The following RAD51B variants were observed in gnomAD, a reference collection of about 807,000 sequenced individuals.
RAD51B encodes DNA repair protein RAD51 homolog 2.
A neutral mutation model predicts 42.2 loss-of-function variants in RAD51B; 38 were observed. The observed-to-expected ratio is 0.90, with a 90% CI of 0.70 to 1.18. The LOEUF is 1.18. Among genes scored for constraint, RAD51B ranks in the 50% most tolerant of loss-of-function variants. The pLI, the probability that RAD51B is intolerant of heterozygous loss-of-function variation, is 0.00. For missense variants in RAD51B, 373 were observed against 400.7 expected (o/e 0.93, Z 0.59); for synonymous variants, 154 against 145.2 (o/e 1.06, Z -0.43).
chr14:68,255,636 T>G (rs1421297912), intron 7 of RAD51B, among the ~76,000 whole-genome samples: 2 of 152,248 alleles, frequency 1.3e-5, no homozygotes, highest in East Asian at 3.8e-4. Context: ...TTTTCTCACC[T>G]AAAGTGGAAC....
intron 7 of RAD51B, among the ~76,000 whole-genome samples, chr14:67,976,248 C>T (rs911510920): frequency 2.6e-5 from 4 of 151,942 alleles, no homozygotes; most frequent in African/African-American, 9.7e-5. Context: ...TCCTGAGTAG[C>T]TGGGACCACA....
intron 2 of RAD51B, among the ~76,000 whole-genome samples, chr14:67,824,871 G>C (rs1454470954): frequency 1.3e-5 from 2 of 151,492 alleles, no homozygotes; most frequent in Non-Finnish European, 1.5e-5. Flanking sequence ...GAGGTCAGGA[G>C]TTCGAGACTA....
At chr14:68,097,092 G>A (rs932474912) in intron 7 of RAD51B, among the ~76,000 whole-genome samples, 24 of 151,930 alleles carry the variant, frequency 1.6e-4, no homozygotes, top group African/African-American at 5.8e-4. Flanking sequence ...CACATTTTCA[G>A]TTGTTTATTA....
At chr14:67,987,505 T>C (rs1282559936) in intron 7 of RAD51B, among the ~76,000 whole-genome samples, 1 of 152,236 alleles carries the variant, frequency 6.6e-6, no homozygotes, top group Non-Finnish European at 1.5e-5. Context: ...TTGAAGCCTG[T>C]TACTTATTTG....
At chr14:68,061,442 A>G (rs144134637) in intron 7 of RAD51B, among the ~76,000 whole-genome samples, 2 of 152,246 alleles carry the variant, frequency 1.3e-5, no homozygotes, top group African/African-American at 4.8e-5. Context: ...TGTCATTAGT[A>G]TTTTGAGGGG....
At chr14:68,287,222 T>G (rs573980841) in intron 7 of RAD51B, among the ~76,000 whole-genome samples, 2 of 152,330 alleles carry the variant, frequency 1.3e-5, no homozygotes, top group East Asian at 3.9e-4. Context: ...TTAATTTTTC[T>G]CCCTATTTTT....
chr14:68,380,129 C>T (rs561065978), intron 8 of RAD51B, among the ~76,000 whole-genome samples: 46 of 152,256 alleles, frequency 3.0e-4, no homozygotes, highest in Non-Finnish European at 6.2e-4. Context: ...TCAAAGCATC[C>T]GGGTTCTGGA....
chr14:68,015,242 A>T (rs939441082), intron 7 of RAD51B, among the ~76,000 whole-genome samples: 1 of 152,226 alleles, frequency 6.6e-6, no homozygotes, highest in Non-Finnish European at 1.5e-5. Flanking sequence ...CCTATTCATT[A>T]AATCATTCTT....
chr14:67,957,912 C>T (rs943627370), intron 7 of RAD51B, among the ~76,000 whole-genome samples: 1 of 152,124 alleles, frequency 6.6e-6, no homozygotes, highest in East Asian at 1.9e-4. Flanking sequence ...TTAAAACTTA[C>T]ATGAGAAGTC....
intron 7 of RAD51B, among the ~76,000 whole-genome samples, chr14:68,004,838 T>C (rs2075553420): frequency 6.6e-6 from 1 of 152,146 alleles, no homozygotes; most frequent in Admixed American, 6.5e-5. Flanking sequence ...GTTTTTGAAC[T>C]GTATACAGAT....
chr14:68,338,606 T>A (rs911254), intron 8 of RAD51B: 160,834 of 287,122 alleles, frequency 0.56, 49,254 homozygotes, highest in South Asian at 0.67. Flanking sequence ...GTAGGTTAAG[T>A]TTGGAGGCTA....
rs148324425 is a variant in RAD51B at position 68,125,907 on chromosome 14, A to G, written c.757-165977A>G. Among the ~76,000 whole-genome samples the G allele has an allele frequency of 4.0e-4, 61 of 152,298 alleles. 1 individual carries two copies. The East Asian group carries it at 0.01, about 26-fold the overall frequency. On this transcript the variant is annotated intron_variant, in intron 7 of 10. Transcript: ENST00000471583. The stretch of plus-strand genomic sequence containing the variant: ...TCATGGTGTCATTTAGAAAGCACCA[A>G]CGTCCCATAGGATCACATGAAAACA...
chr14:68,511,102 G>T (rs1329852277), intron 10 of RAD51B, among the ~76,000 whole-genome samples: 1 of 152,196 alleles, frequency 6.6e-6, no homozygotes, highest in Non-Finnish European at 1.5e-5. Context: ...GAGGCTGTGA[G>T]TAGAGTTGGG....
chr14:68,131,339 G>A (rs780134620), intron 7 of RAD51B, among the ~76,000 whole-genome samples: 2 of 152,212 alleles, frequency 1.3e-5, no homozygotes, highest in Non-Finnish European at 2.9e-5. Flanking sequence ...ATCTGCCTCA[G>A]TGTCATGTGC....
intron 7 of RAD51B, among the ~76,000 whole-genome samples, chr14:68,166,681 C>T (rs2078760982): frequency 1.3e-5 from 2 of 152,124 alleles, no homozygotes; most frequent in South Asian, 2.1e-4. Flanking sequence ...CACCAGTCTG[C>T]GGATTCCCAA....
intron 10 of RAD51B, among the ~76,000 whole-genome samples, chr14:68,648,292 A>G (rs1413894807): frequency 6.8e-6 from 1 of 147,388 alleles, no homozygotes; most frequent in African/African-American, 2.5e-5. Flanking sequence ...ATATCCCACT[A>G]ATACTTAGCT....
intron 4 of RAD51B, 95 bp downstream of exon 4, chr14:67,835,291 C>T (rs778994497): frequency 8.8e-5 from 79 of 893,944 alleles, no homozygotes; most frequent in Admixed American, 2.9e-4. Flanking sequence ...ATTTCTGGAA[C>T]GGTAATCTGA....
chr14:67,825,383 G>A, intron 2 of RAD51B, 81 bp from the exon 3 acceptor site: 2 of 865,824 alleles, frequency 2.3e-6, no homozygotes, highest in Non-Finnish European at 3.6e-6. Context: ...TACATAAGCA[G>A]TATCAATTGA....
At chr14:68,382,457 G>A (rs1202971757) in intron 8 of RAD51B, among the ~76,000 whole-genome samples, 1 of 151,934 alleles carries the variant, frequency 6.6e-6, no homozygotes, top group Non-Finnish European at 1.5e-5. Context: ...TAAAAGTTAG[G>A]GTTCTACTCC....
Sources: gnomAD v4.1 joint callset for allele counts (sites outside exome capture counted in the v4.1 genomes callset) on GRCh38, gnomAD v4.1.1 for gene constraint, MANE v1.5 for transcripts, NCBI Gene and HGNC (gene_info 2026-07-23, HGNC 2026-07-21) for gene names.